Variants in PHF21A observed in about 807,000 individuals in gnomAD.
The protein encoded by PHF21A is PHD finger protein 21A.
In PHF21A, 11 loss-of-function variants were observed where a neutral mutation model predicts 82.5. The observed-to-expected ratio is 0.13, with a 90% CI of 0.08 to 0.22. PHF21A has a LOEUF of 0.22. Ranked by LOEUF, PHF21A falls within the 10% of genes least tolerant of loss-of-function variation. The pLI is 1.00. For missense variants in PHF21A, 579 were observed against 837.8 expected, an observed-to-expected ratio of 0.69 and a Z score of 3.81; for synonymous variants, 297 against 302.8, an observed-to-expected ratio of 0.98 and a Z score of 0.20.
At chr11:46,115,791 T>C (rs916241312) in intron 1 of PHF21A, among the ~76,000 whole-genome samples, 1 of 152,124 alleles carries the variant, frequency 6.6e-6, no homozygotes, top group Non-Finnish European at 1.5e-5. Flanking sequence ...GAATAGTAAT[T>C]AAATACAAAA....
At chr11:46,037,869 T>G (rs2096048006) in intron 6 of PHF21A, among the ~76,000 whole-genome samples, 2 of 152,074 alleles carry the variant, frequency 1.3e-5, no homozygotes, top group Non-Finnish European at 2.9e-5. Flanking sequence ...TGAGGCTTTT[T>G]CAGCTCAGAA....
intron 1 of PHF21A, among the ~76,000 whole-genome samples, chr11:46,099,557 CA>C (rs1226841991): frequency 6.1e-5 from 9 of 147,844 alleles, no homozygotes; most frequent in African/African-American, 1.0e-4. Context: ...CACACACACA[CA>C]CACACCCTAA....
chr11:46,084,950 G>C (rs2096839098), intron 3 of PHF21A, among the ~76,000 whole-genome samples: 1 of 151,970 alleles, frequency 6.6e-6, no homozygotes, highest in East Asian at 1.9e-4. Context: ...AAAGTGCTGG[G>C]ATTACAGGCG....
At chr11:46,075,812 A>C (rs796110725) in intron 6 of PHF21A, among the ~76,000 whole-genome samples, 31 of 152,352 alleles carry the variant, frequency 2.0e-4, no homozygotes, top group African/African-American at 6.5e-4. Flanking sequence ...AACACAATAA[A>C]AAATCTCCAG....
chr11:45,936,617 C>T, intron 16 of PHF21A, 48 bp from the exon 17 acceptor site: 1 of 1,216,430 alleles, frequency 8.2e-7, no homozygotes, highest in South Asian at 1.2e-5. Flanking sequence ...TTTAAACACA[C>T]ATCCTCTATG....
rs543346610 is a variant in PHF21A at position 46,120,399 on chromosome 11, G to T, written c.-237+536C>A. On this transcript the variant is annotated intron_variant, in intron 1 of 18. Coordinates refer to ENST00000676320, the MANE Select transcript of PHF21A (RefSeq NM_001352027.3). ...GGCTCCGTGCCCCCCGCCCCCGCCC[G>T]CAGCCCCCGGCCGGCCCCCCGCCGG... 625 of 98,522 alleles carry T rather than the reference G, an allele frequency of 6.3e-3. 6 individuals carry two copies. The highest frequency in any genetic ancestry group is 0.022 in the African/African-American group (595 of 26,718). 6.1% of individuals were successfully genotyped at this position (98,522 alleles called of 1,614,324 possible).
chr11:46,035,671 G>C (rs1378768018), intron 6 of PHF21A, among the ~76,000 whole-genome samples: 1 of 152,188 alleles, frequency 6.6e-6, no homozygotes, highest in African/African-American at 2.4e-5. Flanking sequence ...CTAGGAAGAA[G>C]TAGTTTTACA....
chr11:46,051,044 T>C (rs1168180092), intron 6 of PHF21A, among the ~76,000 whole-genome samples: 1 of 152,218 alleles, frequency 6.6e-6, no homozygotes, highest in Non-Finnish European at 1.5e-5. Context: ...TTAAATTTCA[T>C]CAGCAGATTG....
At chr11:45,953,497 T>G (rs756191238) in intron 11 of PHF21A, 30 bp downstream of exon 11, 1 of 1,401,680 alleles carries the variant, frequency 7.1e-7, no homozygotes, top group East Asian at 2.3e-5. Context: ...CACCATAGAC[T>G]GAGACCTGCC....
rs2096828551 is a variant in PHF21A, at chr11:46,084,208, C to T, written c.12G>A (p.Gln4=). 1.2e-6 allele frequency: 2 copies of T among 1,601,646 alleles called. No homozygotes were observed. The highest frequency in any genetic ancestry group is 1.1e-5 in the South Asian group (1 of 88,682). The stretch of plus-strand genomic sequence containing the variant: ...CCACTTTAAGAGCCTCCTGTAGAGT[C>T]TGCAACTCCATCCTCTACCTTCTCC... The part of the protein sequence containing the change: MEL[Q]TLQEALKVEI... Residue 4 remains glutamine, a synonymous_variant, in exon 4 of 19, where the codon CAG becomes CAA. Transcript: ENST00000676320.
At chr11:45,969,782 A>T (rs1426329102) in intron 9 of PHF21A, 33 bp downstream of exon 9, 1 of 1,410,548 alleles carries the variant, frequency 7.1e-7, no homozygotes, top group East Asian at 2.3e-5. Flanking sequence ...GTCCCATCTA[A>T]CCTATCATTG....
intron 6 of PHF21A, among the ~76,000 whole-genome samples, chr11:45,993,252 A>G (rs948215494): frequency 6.6e-6 from 1 of 152,240 alleles, no homozygotes; most frequent in African/African-American, 2.4e-5. Flanking sequence ...ACTATTTTCC[A>G]CAAATATTTC....
chr11:46,002,557 C>T (rs568090324), intron 6 of PHF21A, among the ~76,000 whole-genome samples: 1 of 152,100 alleles, frequency 6.6e-6, no homozygotes, highest in South Asian at 2.1e-4. Context: ...TGGCCTTTTT[C>T]ATTTAAGGGC....
chr11:46,078,260 T>G (rs2096750863), intron 5 of PHF21A, among the ~76,000 whole-genome samples: 1 of 152,204 alleles, frequency 6.6e-6, no homozygotes, highest in African/African-American at 2.4e-5. Flanking sequence ...ATAAGTGTTA[T>G]TTTTTTACTT....
chr11:45,960,820 T>C (rs2093030021), intron 10 of PHF21A, among the ~76,000 whole-genome samples: 1 of 152,230 alleles, frequency 6.6e-6, no homozygotes, highest in Non-Finnish European at 1.5e-5. Flanking sequence ...GCAGATGTTA[T>C]TTTCTGCATA....
chr11:45,938,144 C>A lies in PHF21A; in HGVS notation c.1608+13G>T. 1 of 1,564,852 alleles carries A rather than the reference C, an allele frequency of 6.4e-7. No individual in the cohort carries two copies. The highest frequency in any genetic ancestry group is 8.7e-7 in the Non-Finnish European group (1 of 1,152,086). ...CTCCTCGGCCCCTCCCCTGTTGGAC[C>A]CACCCACAGTACCTGGTCCTGACAT... On this transcript the variant is annotated intron_variant, in intron 16 of 18. Transcript: ENST00000676320.
chr11:46,049,005 T>A (rs891787551), intron 6 of PHF21A, among the ~76,000 whole-genome samples: 3 of 152,184 alleles, frequency 2.0e-5, no homozygotes, highest in African/African-American at 7.2e-5. Context: ...ATTAACTAGC[T>A]GTCTGTTAGG....
At chr11:45,949,332 G>T in intron 13 of PHF21A, 70 bp downstream of exon 13, 1 of 1,257,724 alleles carries the variant, frequency 8.0e-7, no homozygotes. Flanking sequence ...GGTTTTCAGA[G>T]GGGAGGCACT....
intron 18 of PHF21A, chr11:45,934,435 A>C: frequency 1.8e-6 from 1 of 544,656 alleles, no homozygotes; most frequent in African/African-American, 1.9e-5. Context: ...GGGGGGTCCC[A>C]GGTCCCAGAG....
Sources: allele counts gnomAD v4.1 joint callset (sites outside exome capture counted in the v4.1 genomes callset), GRCh38; gene constraint gnomAD v4.1.1; transcripts MANE v1.5; gene names NCBI Gene and HGNC (gene_info 2026-07-23, HGNC 2026-07-21).